The following MAD1L1 variants were observed in gnomAD, a reference collection of about 807,000 sequenced individuals.
MAD1L1 encodes mitotic arrest deficient 1 like 1.
A neutral mutation model predicts 96.9 loss-of-function variants in MAD1L1; 95 were observed. The ratio of observed to expected loss-of-function variants is 0.98; its 90% CI spans 0.83 to 1.16. The LOEUF is 1.16. Among genes scored for constraint, MAD1L1 ranks in the 50% most tolerant of loss-of-function variants. MAD1L1 has a pLI of 0.00. For synonymous variants in MAD1L1, 473 were observed against 396.6 expected (o/e 1.19, Z -2.29); for missense variants, 1,007 against 954.4 (o/e 1.06, Z -0.73).
At chr7:1,943,036 T>C (rs1425151688) in intron 16 of MAD1L1, among the ~76,000 whole-genome samples, 1 of 152,174 alleles carries the variant, frequency 6.6e-6, no homozygotes, top group Non-Finnish European at 1.5e-5. Flanking sequence ...AAAAATAGTC[T>C]TTTCAACAAA....
chr7:1,988,177 G>A (rs1781246923), intron 14 of MAD1L1, among the ~76,000 whole-genome samples: 1 of 152,236 alleles, frequency 6.6e-6, no homozygotes. Flanking sequence ...AGGGCGCTGG[G>A]GACAAGGAGA....
At chr7:2,181,576 T>C (rs1298941922) in intron 10 of MAD1L1, among the ~76,000 whole-genome samples, 2 of 152,200 alleles carry the variant, frequency 1.3e-5, no homozygotes, top group African/African-American at 4.8e-5. Flanking sequence ...AGGAACACTT[T>C]TACATTGCTC....
intron 10 of MAD1L1, among the ~76,000 whole-genome samples, chr7:2,186,151 G>A (rs369707087): frequency 2.0e-5 from 3 of 152,146 alleles, no homozygotes; most frequent in Admixed American, 1.3e-4. Context: ...AACGTAATTT[G>A]GCAAAAATTA....
chr7:2,116,685 C>A (rs545841736), intron 11 of MAD1L1, among the ~76,000 whole-genome samples: 1 of 151,990 alleles, frequency 6.6e-6, no homozygotes, highest in South Asian at 2.1e-4. Flanking sequence ...CGGACTGGAG[C>A]AGAAAAACCA....
chr7:1,862,615 G>C (rs1269595710), intron 18 of MAD1L1, among the ~76,000 whole-genome samples: 1 of 152,254 alleles, frequency 6.6e-6, no homozygotes, highest in Non-Finnish European at 1.5e-5. Context: ...GAGGCTGAGG[G>C]CATCGGCCCT....
In MAD1L1 at chr7:2,060,690, C is replaced by T. The variant is rs76149569; in HGVS notation, c.1218+8504G>A. Among the ~76,000 whole-genome samples the T allele has an allele frequency of 9.6e-3, 1,455 of 152,330 alleles. 22 individuals are homozygous for T. The highest frequency in any genetic ancestry group is 0.033 in the African/African-American group (1,365 of 41,562). ...ACGGCCACGAGGGGTCCCCGGGCCACGGCCATGGCAGCGCCACGCGTGGGG... is the reference window on the plus strand; with the variant it reads ...ACGGCCACGAGGGGTCCCCGGGCCATGGCCATGGCAGCGCCACGCGTGGGG... On this transcript the variant is annotated intron_variant, in intron 12 of 18. Coordinates refer to ENST00000265854, the MANE Select transcript of MAD1L1 (RefSeq NM_001013836.2).
chr7:2,226,686 C>T (rs1221498866), intron 3 of MAD1L1, among the ~76,000 whole-genome samples: 2 of 152,200 alleles, frequency 1.3e-5, no homozygotes, highest in South Asian at 2.1e-4. Context: ...CCCAGACCTA[C>T]TCAGTCAGAA....
At chr7:2,231,749 C>T (rs567677631) in intron 1 of MAD1L1, among the ~76,000 whole-genome samples, 3 of 152,236 alleles carry the variant, frequency 2.0e-5, no homozygotes, top group African/African-American at 4.8e-5. Context: ...ATAAGTACTA[C>T]TACTATTTTC....
chr7:1,926,528 G>A (rs1197123704), intron 17 of MAD1L1, among the ~76,000 whole-genome samples: 1 of 152,038 alleles, frequency 6.6e-6, no homozygotes, highest in Non-Finnish European at 1.5e-5. Flanking sequence ...TAACCAAGGG[G>A]GGGGTTTATT....
At chr7:1,845,077 C>T (rs528354074) in intron 18 of MAD1L1, among the ~76,000 whole-genome samples, 1 of 152,360 alleles carries the variant, frequency 6.6e-6, no homozygotes, top group Non-Finnish European at 1.5e-5. Context: ...GGAGGCAGGC[C>T]CTGACTGCAG....
At chr7:2,074,811 C>T (rs1276713204) in intron 11 of MAD1L1, among the ~76,000 whole-genome samples, 1 of 152,202 alleles carries the variant, frequency 6.6e-6, no homozygotes, top group Non-Finnish European at 1.5e-5. Context: ...CAGGTGCCTC[C>T]TGACACTGGA....
At chr7:1,979,678 G>A (rs1376600197) in intron 15 of MAD1L1, among the ~76,000 whole-genome samples, 1 of 152,222 alleles carries the variant, frequency 6.6e-6, no homozygotes, top group Non-Finnish European at 1.5e-5. Flanking sequence ...GAGCTGGGGT[G>A]AGGGTGGCCT....
At chr7:2,161,915 A>AGCCC (rs1442433775) in intron 10 of MAD1L1, among the ~76,000 whole-genome samples, 2 of 143,496 alleles carry the variant, frequency 1.4e-5, no homozygotes, top group South Asian at 4.5e-4. Context: ...CCCGCCAGCC[A>AGCCC]GCCCGTCCGG....
chr7:2,018,488 G>T (rs375128959), intron 12 of MAD1L1, among the ~76,000 whole-genome samples: 1 of 152,192 alleles, frequency 6.6e-6, no homozygotes, highest in South Asian at 2.1e-4. Context: ...CGTCCCGCAC[G>T]ATGGGGACAG....
At chr7:1,903,488 A>C (rs1196930082) in intron 17 of MAD1L1, among the ~76,000 whole-genome samples, 1 of 146,704 alleles carries the variant, frequency 6.8e-6, no homozygotes, top group Non-Finnish European at 1.5e-5. Context: ...TGCGGAACTC[A>C]AGATTGATCA....
rs1054680834 is a variant in MAD1L1 at position 1,871,805 on chromosome 7, G to A, written c.1998+26395C>T. 3.9e-5 allele frequency among the ~76,000 whole-genome samples: 6 copies of A among 152,300 alleles called. No individual in the cohort carries two copies. In the East Asian group the frequency reaches 9.6e-4, roughly 24 times the overall value. ...TCTGAACTCCTGCACCTGTGATGGC[G>A]GTGCAGGCTTCCCCGGAGGGCCAGC... On this transcript the variant is annotated intron_variant, in intron 18 of 18. Coordinates refer to ENST00000265854, the MANE Select transcript of MAD1L1 (RefSeq NM_001013836.2).
chr7:1,886,323 A>T (rs994018665), intron 18 of MAD1L1, among the ~76,000 whole-genome samples: 4 of 152,330 alleles, frequency 2.6e-5, no homozygotes, highest in Admixed American at 2.0e-4. Context: ...CTTATTCACA[A>T]GCCTGCTTCA....
chr7:1,990,143 C>T (rs1260420710), intron 14 of MAD1L1, among the ~76,000 whole-genome samples: 1 of 152,252 alleles, frequency 6.6e-6, no homozygotes, highest in Non-Finnish European at 1.5e-5. Flanking sequence ...ACTCACGTGG[C>T]ATCGCTGAGT....
At chr7:2,117,989 C>A (rs1262756642) in intron 11 of MAD1L1, among the ~76,000 whole-genome samples, 1 of 152,186 alleles carries the variant, frequency 6.6e-6, no homozygotes, top group Non-Finnish European at 1.5e-5. Context: ...CCCTCAAGTA[C>A]ACCCCCAAAT....
Sources: allele counts gnomAD v4.1 joint callset (sites outside exome capture counted in the v4.1 genomes callset), GRCh38; gene constraint gnomAD v4.1.1; transcripts MANE v1.5; gene names NCBI Gene and HGNC (gene_info 2026-07-23, HGNC 2026-07-21).